Variants in TAS2R1 observed in about 807,000 individuals in gnomAD.
TAS2R1 encodes taste receptor type 2 member 1.
For synonymous variants in TAS2R1, 141 were observed against 134.2 expected (o/e 1.05, Z -0.35); for missense variants, 370 against 353.4 (o/e 1.05, Z -0.38).
chr5:9,843,476 C>T, the TAS2R1 span, among the ~76,000 whole-genome samples: 14 of 152,218 alleles, frequency 9.2e-5, no homozygotes, highest in Admixed American at 3.3e-4. Context: ...CCACGATTTT[C>T]ACTTTTAATC....
At chr5:9,810,347 T>C in the TAS2R1 span, among the ~76,000 whole-genome samples, 4 of 152,226 alleles carry the variant, frequency 2.6e-5, no homozygotes, top group Non-Finnish European at 4.4e-5. Flanking sequence ...TGGCAAGATA[T>C]GAAAGTTTCA....
chr5:9,770,745 C>T, the TAS2R1 span, among the ~76,000 whole-genome samples: 1 of 151,980 alleles, frequency 6.6e-6, no homozygotes, highest in African/African-American at 2.4e-5. Flanking sequence ...TTGTATGTTA[C>T]TTTTGTATCC....
At chr5:9,859,759 C>A in the TAS2R1 span, among the ~76,000 whole-genome samples, 1 of 152,168 alleles carries the variant, frequency 6.6e-6, no homozygotes, top group African/African-American at 2.4e-5. Context: ...CATGCTTCAA[C>A]AACAGGATCC....
At chr5:9,897,229 T>C in the TAS2R1 span, among the ~76,000 whole-genome samples, 1 of 152,090 alleles carries the variant, frequency 6.6e-6, no homozygotes, top group Non-Finnish European at 1.5e-5. Flanking sequence ...GGTGGGTAGA[T>C]CACAAGGTCA....
At chr5:9,666,316 A>G (rs1740632209) in intron 1 of TAS2R1, among the ~76,000 whole-genome samples, 3 of 152,208 alleles carry the variant, frequency 2.0e-5, no homozygotes, top group South Asian at 4.1e-4. Flanking sequence ...TAGAGCTGAC[A>G]TAACAATAGA....
chr5:9,719,975 C>G, the TAS2R1 span, among the ~76,000 whole-genome samples: 1 of 142,394 alleles, frequency 7.0e-6, no homozygotes, highest in African/African-American at 2.6e-5. Context: ...ATGCTATTTT[C>G]TTTTCTTGCC....
chr5:9,752,883 C>A, the TAS2R1 span, among the ~76,000 whole-genome samples: 1 of 152,154 alleles, frequency 6.6e-6, no homozygotes, highest in African/African-American at 2.4e-5. Context: ...TGAACTCATC[C>A]TTTTTCATGG....
chr5:9,813,638 A>C, the TAS2R1 span, among the ~76,000 whole-genome samples: 1 of 152,252 alleles, frequency 6.6e-6, no homozygotes, highest in Admixed American at 6.5e-5. Context: ...TCTTTGTTAC[A>C]GTATAGATTC....
chr5:9,882,690 G>A, the TAS2R1 span, among the ~76,000 whole-genome samples: 1 of 152,140 alleles, frequency 6.6e-6, no homozygotes, highest in Non-Finnish European at 1.5e-5. Context: ...TAGTGAGGCT[G>A]TGGAGAAATA....
chr5:9,741,421 A>T, the TAS2R1 span, among the ~76,000 whole-genome samples: 1 of 152,186 alleles, frequency 6.6e-6, no homozygotes, highest in Non-Finnish European at 1.5e-5. Flanking sequence ...TCACCCACGG[A>T]TGCTGACTGC....
the TAS2R1 span, among the ~76,000 whole-genome samples, chr5:9,732,758 C>A: frequency 6.6e-6 from 1 of 152,108 alleles, no homozygotes; most frequent in Non-Finnish European, 1.5e-5. Context: ...CAGGGTTCTG[C>A]TGAGAAAGAG....
the TAS2R1 span, among the ~76,000 whole-genome samples, chr5:9,808,309 G>C: frequency 6.6e-6 from 1 of 152,178 alleles, no homozygotes; most frequent in Non-Finnish European, 1.5e-5. Context: ...TAGTGGCAAA[G>C]AACTTGACTA....
chr5:9,629,029 T>C lies in TAS2R1; in HGVS notation c.*104A>G. The C allele has an allele frequency of 8.4e-7, 1 of 1,197,600 alleles. No individual in the cohort carries two copies. The highest frequency in any genetic ancestry group is 1.1e-6 in the Non-Finnish European group (1 of 873,134). The allele number at this position is 1,197,600 out of a possible 1,614,324, so 74.2% of individuals were successfully genotyped here. On this transcript the variant is annotated 3_prime_UTR_variant, in exon 1 of 1. Coordinates refer to ENST00000382492, the MANE Select transcript of TAS2R1 (RefSeq NM_019599.3). ...TGGATAAACAGGCCTGAAGGGGACA[T>C]GTTGTATATTTATGAACAGGCTGCT...
At chr5:9,877,690 C>T in the TAS2R1 span, among the ~76,000 whole-genome samples, 516 of 152,280 alleles carry the variant, frequency 3.4e-3, 1 homozygote, top group Admixed American at 6.7e-3. Context: ...GTGTTCTGAG[C>T]GGCTCTCATC....
At chr5:9,706,939 A>T (rs893662825) in intron 1 of TAS2R1, among the ~76,000 whole-genome samples, 6 of 152,140 alleles carry the variant, frequency 3.9e-5, no homozygotes, top group Admixed American at 6.5e-5. Context: ...CGGTTTTTTT[A>T]AAAAATATTT....
chr5:9,714,212 C>T (rs1249891230), upstream of TAS2R1: 1 of 152,198 alleles, frequency 6.6e-6, no homozygotes, highest in Non-Finnish European at 1.5e-5. Flanking sequence ...GTGGCACAGT[C>T]ATTTGCAGTC....
the TAS2R1 span, among the ~76,000 whole-genome samples, chr5:9,827,572 ACACACACACCCGGGTGTGGTGGCATG>A: frequency 1.5e-5 from 2 of 130,390 alleles, no homozygotes; most frequent in Non-Finnish European, 3.0e-5. Context: ...CCATCCCTAT[ACACACACACCCGGGTGTGGTGGCATG>A]CACACACACA....
At chr5:9,819,279 G>T in the TAS2R1 span, among the ~76,000 whole-genome samples, 1 of 152,112 alleles carries the variant, frequency 6.6e-6, no homozygotes, top group Admixed American at 6.5e-5. Flanking sequence ...TTAAAGCAAA[G>T]GACTCGAGGT....
chr5:9,813,582 CAG>C, the TAS2R1 span, among the ~76,000 whole-genome samples: 2 of 152,144 alleles, frequency 1.3e-5, no homozygotes, highest in South Asian at 4.1e-4. Flanking sequence ...TGTTACAGAA[CAG>C]AGAAAGAAAG....
Sources: allele counts gnomAD v4.1 joint callset (sites outside exome capture counted in the v4.1 genomes callset), GRCh38; gene constraint gnomAD v4.1.1; transcripts MANE v1.5; gene names NCBI Gene and HGNC (gene_info 2026-07-23, HGNC 2026-07-21).